SLC5A11: variants seen among roughly 807,000 people sequenced by gnomAD.
The protein encoded by SLC5A11 is solute carrier family 5 member 11.
Under a neutral mutation model 69.8 loss-of-function variants are expected in SLC5A11, and 48 were observed. The ratio of observed to expected loss-of-function variants is 0.69; its 90% CI spans 0.55 to 0.87. The LOEUF (loss-of-function observed/expected upper bound fraction) is 0.87, where lower values mean the gene tolerates loss of function less well. SLC5A11 is among the 40% of genes least tolerant of loss of function. The probability of loss-of-function intolerance (pLI) is 0.00; values close to 1 mark genes in which losing one functional copy is unlikely to be tolerated. For synonymous variants in SLC5A11, 319 were observed against 342.4 expected, an observed-to-expected ratio of 0.93 and a Z score of 0.75; for missense variants, 784 against 866.1, an observed-to-expected ratio of 0.91 and a Z score of 1.19.
At chr16:24,887,830 A>T (rs2048488485) in intron 8 of SLC5A11, among the ~76,000 whole-genome samples, 1 of 152,176 alleles carries the variant, frequency 6.6e-6, no homozygotes, top group Admixed American at 6.6e-5. Flanking sequence ...TGGCACATAT[A>T]AAACAAAGTA....
chr16:24,900,959 A>G (rs1292076856), intron 10 of SLC5A11, among the ~76,000 whole-genome samples: 2 of 151,924 alleles, frequency 1.3e-5, no homozygotes, highest in African/African-American at 2.4e-5. Flanking sequence ...ATGGCTTCAA[A>G]CAACCACATT....
intron 7 of SLC5A11, among the ~76,000 whole-genome samples, chr16:24,881,746 G>C (rs2048057219): frequency 6.6e-6 from 1 of 152,144 alleles, no homozygotes; most frequent in East Asian, 1.9e-4. Context: ...TTGAGCAAAT[G>C]GTTATGTAGG....
At position 24,877,380 on chromosome 16, in the gene SLC5A11, G is replaced by C; in HGVS notation, c.583+17G>C. 1 of 1,599,432 alleles carries C rather than the reference G, an allele frequency of 6.3e-7. No individual in the cohort carries two copies. Among genetic ancestry groups the C allele is most frequent in the Non-Finnish European group, 8.6e-7 (1 of 1,167,560 alleles). The stretch of plus-strand genomic sequence containing the variant: ...CGGTTGCTGGTAAGACTGAACAAAG[G>C]GTAACACCTAGCAGAGGCAGTGGGC... On this transcript the variant is annotated intron_variant, in intron 7 of 15. Coordinates refer to ENST00000347898, the Ensembl canonical transcript of SLC5A11.
chr16:24,897,980 G>T (rs2049298205), exon 10 of SLC5A11: 2 of 1,613,920 alleles, frequency 1.2e-6, no homozygotes, highest in South Asian at 1.1e-5. Context: ...CCAGGTGATT[G>T]TCCAGCGGAC....
At chr16:24,869,042 A>G (rs2047105843) in intron 3 of SLC5A11, among the ~76,000 whole-genome samples, 1 of 151,778 alleles carries the variant, frequency 6.6e-6, no homozygotes, top group South Asian at 2.1e-4. Flanking sequence ...TAACTTTTGT[A>G]TTTTTAGTGG....
At chr16:24,880,604 G>A (rs1258496344) in intron 7 of SLC5A11, among the ~76,000 whole-genome samples, 4 of 152,154 alleles carry the variant, frequency 2.6e-5, no homozygotes, top group Non-Finnish European at 5.9e-5. Flanking sequence ...AAAGTGCTGG[G>A]ATTACAGGCA....
chr16:24,881,960 T>C (rs1597147523), intron 7 of SLC5A11, among the ~76,000 whole-genome samples: 1 of 152,088 alleles, frequency 6.6e-6, no homozygotes, highest in South Asian at 2.1e-4. Context: ...AAACAGAAAA[T>C]TGACAAAATC....
chr16:24,911,249 A>G (rs2050502415), intron 15 of SLC5A11, 79 bp from the exon 17 acceptor site: 12 of 1,366,282 alleles, frequency 8.8e-6, no homozygotes, highest in Admixed American at 1.7e-5. Flanking sequence ...ACTTGAACAC[A>G]TCTGGTGAGT....
chr16:24,903,720 C>G (rs1414545663), intron 10 of SLC5A11, among the ~76,000 whole-genome samples: 1 of 152,142 alleles, frequency 6.6e-6, no homozygotes, highest in Non-Finnish European at 1.5e-5. Flanking sequence ...TAGTAGTCCA[C>G]TCTGTATGTA....
intron 4 of SLC5A11, among the ~76,000 whole-genome samples, chr16:24,870,492 A>G (rs2047221463): frequency 6.8e-6 from 1 of 146,438 alleles, no homozygotes; most frequent in Non-Finnish European, 1.5e-5. Context: ...AAAAAAAACA[A>G]TAGTGGGTTG....
At chr16:24,877,500 T>A in intron 7 of SLC5A11, 137 bp downstream of exon 8, 1 of 596,212 alleles carries the variant, frequency 1.7e-6, no homozygotes, top group Non-Finnish European at 2.9e-6. Context: ...TCCTTTACCC[T>A]AGATAAAAAG....
intron 1 of SLC5A11, among the ~76,000 whole-genome samples, chr16:24,847,634 G>C (rs910590686): frequency 3.3e-5 from 5 of 152,150 alleles, no homozygotes; most frequent in African/African-American, 1.2e-4. Context: ...GGGATTACAG[G>C]CATGAGCCAC....
intron 15 of SLC5A11, among the ~76,000 whole-genome samples, 162 bp from the exon 17 acceptor site, chr16:24,911,166 C>CAAAAA (rs59292009): frequency 3.0e-5 from 2 of 66,038 alleles, no homozygotes; most frequent in African/African-American, 9.7e-5. Flanking sequence ...GAGACTCTCT[C>CAAAAA]AAAAAAAAAA....
At chr16:24,881,067 G>C (rs1443599093) in intron 7 of SLC5A11, among the ~76,000 whole-genome samples, 1 of 151,816 alleles carries the variant, frequency 6.6e-6, no homozygotes, top group South Asian at 2.1e-4. Flanking sequence ...TTAGCCAGGC[G>C]TGGTGGCGGG....
intron 1 of SLC5A11, among the ~76,000 whole-genome samples, chr16:24,847,228 TTC>T (rs1159037841): frequency 6.6e-6 from 1 of 151,732 alleles, no homozygotes; most frequent in Non-Finnish European, 1.5e-5. Context: ...TTCTTTCCCT[TTC>T]TTTCTCCTTC....
intron 3 of SLC5A11, among the ~76,000 whole-genome samples, chr16:24,862,964 T>TTATATAATATATAATTATATAA (rs1567587522): frequency 2.2e-5 from 3 of 138,360 alleles, no homozygotes; most frequent in Non-Finnish European, 4.6e-5. Flanking sequence ...TAATTATATA[T>TTATATAATATATAATTATATAA]TATATAATAT....
intron 1 of SLC5A11, among the ~76,000 whole-genome samples, chr16:24,857,435 T>G (rs554932074): frequency 6.6e-6 from 1 of 152,212 alleles, no homozygotes; most frequent in Admixed American, 6.5e-5. Context: ...AACATAAATT[T>G]ATGACCTTAC....
chr16:24,873,330 TTTAGAAAATCACAA>T, intron 5 of SLC5A11, among the ~76,000 whole-genome samples: 1 of 151,216 alleles, frequency 6.6e-6, no homozygotes, highest in East Asian at 2.0e-4. Context: ...CCTGCAAGCC[TTTAGAAAATCACAA>T]TGCTGGCTGG....
At position 24,901,946 on chromosome 16, in the gene SLC5A11, A is replaced by G. The variant is rs1264838222; in HGVS notation, c.1006+3837A>G. Among the ~76,000 whole-genome samples, 3 of 127,734 alleles carry G rather than the reference A, an allele frequency of 2.3e-5. No individual in the cohort carries two copies. In the Admixed American group the frequency reaches 2.4e-4, roughly 10 times the overall value. The allele number at this position is 127,734 out of a possible 152,430, so 83.8% of individuals were successfully genotyped here. A position where few individuals can be genotyped will look rare whatever the true frequency, so the allele number is the denominator to read the frequency against. ...GAAAAAAAAATACACACACACACACACACACACACACGCACACACACACAC... is the reference window on the plus strand; with the variant it reads ...GAAAAAAAAATACACACACACACACGCACACACACACGCACACACACACAC... On this transcript the variant is annotated intron_variant, in intron 10 of 15. Transcript: ENST00000347898.
Sources: gnomAD v4.1 joint callset for allele counts (sites outside exome capture counted in the v4.1 genomes callset) on GRCh38, gnomAD v4.1.1 for gene constraint, MANE v1.5 for transcripts, NCBI Gene and HGNC (gene_info 2026-07-23, HGNC 2026-07-21) for gene names.